BRINP1: variants seen among roughly 807,000 people sequenced by gnomAD.
BRINP1 encodes BMP/retinoic acid inducible neural specific 1.
Under a neutral mutation model 72.9 loss-of-function variants are expected in BRINP1, and 17 were observed. The observed-to-expected ratio is 0.23, with a 90% CI of 0.16 to 0.35. The LOEUF (loss-of-function observed/expected upper bound fraction) is 0.35, where lower values mean the gene tolerates loss of function less well. Ranked by LOEUF, BRINP1 falls within the 10% of genes least tolerant of loss-of-function variation. BRINP1 has a pLI of 1.00. For synonymous variants in BRINP1, 418 were observed against 378.5 expected (o/e 1.10, Z -1.21); for missense variants, 850 against 1,001.6 (o/e 0.85, Z 2.04).
At chr9:119,262,232 C>T (rs1488725393) in intron 2 of BRINP1, among the ~76,000 whole-genome samples, 2 of 152,142 alleles carry the variant, frequency 1.3e-5, no homozygotes, top group African/African-American at 2.4e-5. Context: ...GCTAATTGCC[C>T]ATTATGAGAC....
intron 2 of BRINP1, among the ~76,000 whole-genome samples, chr9:119,276,769 C>T (rs890603785): frequency 6.6e-6 from 1 of 152,146 alleles, no homozygotes; most frequent in Non-Finnish European, 1.5e-5. Flanking sequence ...GATTTCCTTC[C>T]AAAGCAGATT....
chr9:119,243,871 G>A (rs1830285713), intron 3 of BRINP1, among the ~76,000 whole-genome samples: 1 of 152,114 alleles, frequency 6.6e-6, no homozygotes, highest in African/African-American at 2.4e-5. Flanking sequence ...CAGGTGAATA[G>A]CCAAGGTAAG....
At chr9:119,330,693 A>C (rs1263622613) in intron 1 of BRINP1, among the ~76,000 whole-genome samples, 1 of 152,098 alleles carries the variant, frequency 6.6e-6, no homozygotes, top group Non-Finnish European at 1.5e-5. Context: ...AATGTGATTG[A>C]CCTTTCATAT....
At chr9:119,245,704 T>C (rs1421053426) in intron 3 of BRINP1, among the ~76,000 whole-genome samples, 3 of 152,208 alleles carry the variant, frequency 2.0e-5, no homozygotes, top group Non-Finnish European at 4.4e-5. Context: ...ACAAACACAT[T>C]TATTTGTCTC....
intron 7 of BRINP1, among the ~76,000 whole-genome samples, chr9:119,178,173 T>C (rs1829510171): frequency 6.6e-6 from 1 of 152,154 alleles, no homozygotes; most frequent in Non-Finnish European, 1.5e-5. Context: ...AGGCATCATC[T>C]GTGTTAACTC....
At chr9:119,178,832 G>GATACCTAGA (rs1445157956) in intron 7 of BRINP1, among the ~76,000 whole-genome samples, 2 of 152,156 alleles carry the variant, frequency 1.3e-5, no homozygotes, top group African/African-American at 4.8e-5. Flanking sequence ...GTATCATAAT[G>GATACCTAGA]TAAAATTATA....
At chr9:119,286,223 G>A (rs191946747) in intron 2 of BRINP1, among the ~76,000 whole-genome samples, 238 of 148,994 alleles carry the variant, frequency 1.6e-3, no homozygotes, top group Admixed American at 7.5e-3. Context: ...GAGTGTTATC[G>A]CCATTATCTT....
chr9:119,286,330 T>A (rs1228234403), intron 2 of BRINP1, among the ~76,000 whole-genome samples: 1 of 152,076 alleles, frequency 6.6e-6, no homozygotes, highest in African/African-American at 2.4e-5. Flanking sequence ...CCTCCTGGGT[T>A]CACGCCATTC....
intron 2 of BRINP1, among the ~76,000 whole-genome samples, chr9:119,269,956 T>C (rs2118950142): frequency 6.6e-6 from 1 of 152,192 alleles, no homozygotes; most frequent in East Asian, 1.9e-4. Flanking sequence ...TGTTACGTAT[T>C]ATGGAAAAAA....
chr9:119,227,115 T>A (rs1334867847), intron 5 of BRINP1, among the ~76,000 whole-genome samples: 1 of 152,090 alleles, frequency 6.6e-6, no homozygotes, highest in Non-Finnish European at 1.5e-5. Flanking sequence ...GTATTCTTAT[T>A]TTATGAACCC....
rs10984498 is a variant in BRINP1, at chr9:119,348,513, T to G, written c.-51+20543A>C. On this transcript the variant is annotated intron_variant, in intron 1 of 7. Transcript: ENST00000265922. The stretch of plus-strand genomic sequence containing the variant: ...CTGGATTCTATGGTAAGAGTATGTT[T>G]AGTTTTGTAGCTGTCGCTGTACCAT... Among the ~76,000 whole-genome samples, 118 of 152,340 alleles carry G rather than the reference T, an allele frequency of 7.7e-4. No individual in the cohort carries two copies. In the East Asian group the frequency reaches 0.02, roughly 26 times the overall value.
intron 7 of BRINP1, among the ~76,000 whole-genome samples, chr9:119,180,856 A>G (rs1009591981): frequency 2.0e-5 from 3 of 152,166 alleles, no homozygotes; most frequent in Admixed American, 2.0e-4. Flanking sequence ...CTAATTTTCA[A>G]TTGTGGAGTG....
intron 7 of BRINP1, among the ~76,000 whole-genome samples, chr9:119,194,519 A>G (rs1182072331): frequency 6.6e-6 from 1 of 152,208 alleles, no homozygotes; most frequent in Non-Finnish European, 1.5e-5. Flanking sequence ...ACCTAATCCA[A>G]TCAGATGTGT....
intron 2 of BRINP1, among the ~76,000 whole-genome samples, chr9:119,255,954 CAAAAAAAAA>C (rs58972395): frequency 1.9e-5 from 1 of 53,482 alleles, no homozygotes; most frequent in African/African-American, 7.8e-5. Flanking sequence ...GACTCCAGCT[CAAAAAAAAA>C]AAAAAAAAAA....
rs542362614 is a variant in BRINP1 at position 119,227,763 on chromosome 9, G to A, written c.685+10892C>T. On this transcript the variant is annotated intron_variant, in intron 5 of 7. Coordinates refer to ENST00000265922, the MANE Select transcript of BRINP1 (RefSeq NM_014618.3). ...CCCTGAGGTTACAAGTCCACATAAA[G>A]TGATGGGCGTGTGGGAGAGGAGGGG... Among the ~76,000 whole-genome samples the A allele has an allele frequency of 1.1e-4, 17 of 152,108 alleles. No homozygotes were observed. In the South Asian group the frequency reaches 3.5e-3, roughly 32 times the overall value.
intron 1 of BRINP1, among the ~76,000 whole-genome samples, chr9:119,343,870 T>A (rs1000022107): frequency 1.3e-5 from 2 of 152,216 alleles, no homozygotes; most frequent in African/African-American, 4.8e-5. Context: ...CGTGTTTACA[T>A]ATGTTGTTCT....
At chr9:119,169,369 G>A (rs1006230378) in intron 7 of BRINP1, among the ~76,000 whole-genome samples, 12 of 151,994 alleles carry the variant, frequency 7.9e-5, no homozygotes, top group African/African-American at 2.9e-4. Flanking sequence ...AGGGGTGACT[G>A]ACGGCACCTG....
intron 1 of BRINP1, among the ~76,000 whole-genome samples, chr9:119,341,574 C>G (rs1392246017): frequency 6.6e-6 from 1 of 152,166 alleles, no homozygotes; most frequent in Non-Finnish European, 1.5e-5. Context: ...GAATAAACAA[C>G]TGACACTCTA....
At chr9:119,284,748 G>A (rs1048589668) in intron 2 of BRINP1, among the ~76,000 whole-genome samples, 4 of 152,106 alleles carry the variant, frequency 2.6e-5, no homozygotes, top group Non-Finnish European at 2.9e-5. Context: ...TGTGTTTATC[G>A]CCCTGTAAAT....
Sources: allele counts gnomAD v4.1 joint callset (sites outside exome capture counted in the v4.1 genomes callset), GRCh38; gene constraint gnomAD v4.1.1; transcripts MANE v1.5; gene names NCBI Gene and HGNC (gene_info 2026-07-23, HGNC 2026-07-21).